The following DNAJC1 variants were observed in gnomAD, a reference collection of about 807,000 sequenced individuals.
The protein encoded by DNAJC1 is DnaJ heat shock protein family (Hsp40) member C1.
A neutral mutation model predicts 76.6 loss-of-function variants in DNAJC1; 58 were observed. The ratio of observed to expected loss-of-function variants is 0.76; its 90% confidence interval spans 0.61 to 0.94. The LOEUF is 0.94. Among genes scored for constraint, DNAJC1 ranks in the 40% least tolerant of loss-of-function variants. DNAJC1 has a pLI of 0.00. For missense variants in DNAJC1, 689 were observed against 677.3 expected, an observed-to-expected ratio of 1.02 and a Z score of -0.19; for synonymous variants, 258 against 267.9, an observed-to-expected ratio of 0.96 and a Z score of 0.36.
intron 8 of DNAJC1, among the ~76,000 whole-genome samples, chr10:21,836,931 T>A (rs1211359872): frequency 2.0e-5 from 3 of 152,040 alleles, no homozygotes; most frequent in African/African-American, 4.8e-5. Context: ...TTCCTCTCCC[T>A]CTCTCTCCAC....
intron 1 of DNAJC1, among the ~76,000 whole-genome samples, chr10:21,976,972 G>C (rs1838076847): frequency 6.6e-6 from 1 of 152,116 alleles, no homozygotes; most frequent in Non-Finnish European, 1.5e-5. Context: ...ATCAAAACAA[G>C]TAGCATCAGT....
intron 1 of DNAJC1, among the ~76,000 whole-genome samples, chr10:21,998,182 G>C: frequency 6.6e-6 from 1 of 152,084 alleles, no homozygotes; most frequent in Middle Eastern, 3.2e-3. Context: ...CCTGAGGTCA[G>C]GAGTGCAAGA....
chr10:21,907,392 T>C (rs1363817361), intron 6 of DNAJC1, among the ~76,000 whole-genome samples: 3 of 151,996 alleles, frequency 2.0e-5, no homozygotes, highest in Non-Finnish European at 2.9e-5. Flanking sequence ...TCCTTAACAA[T>C]CTATGAACTC....
chr10:21,924,081 C>G (rs535881041), intron 3 of DNAJC1, among the ~76,000 whole-genome samples: 1 of 151,956 alleles, frequency 6.6e-6, no homozygotes, highest in East Asian at 1.9e-4. Context: ...ATAAAAACTA[C>G]TTGTACAAAG....
chr10:21,804,002 G>A (rs1212822253), intron 9 of DNAJC1: 4 of 982,978 alleles, frequency 4.1e-6, no homozygotes, highest in Non-Finnish European at 4.8e-6. Flanking sequence ...GGAAAAAAAG[G>A]AGACATATGG....
At chr10:21,802,508 C>T (rs192567113) in intron 9 of DNAJC1, among the ~76,000 whole-genome samples, 3 of 152,174 alleles carry the variant, frequency 2.0e-5, no homozygotes, top group East Asian at 3.9e-4. Flanking sequence ...TTATGATTTT[C>T]CTTCCTCCTC....
chr10:21,964,832 C>A (rs1590070496), intron 1 of DNAJC1, among the ~76,000 whole-genome samples: 2 of 151,678 alleles, frequency 1.3e-5, no homozygotes, highest in Admixed American at 1.3e-4. Flanking sequence ...GGTTATTTTC[C>A]TCAATGCCCT....
intron 1 of DNAJC1, among the ~76,000 whole-genome samples, chr10:21,979,716 T>C (rs565420746): frequency 2.0e-5 from 3 of 151,888 alleles, no homozygotes; most frequent in African/African-American, 7.2e-5. Context: ...ATTTTTCTTT[T>C]TTTTTTTTTC....
At chr10:21,842,015 C>T (rs1168237699) in intron 8 of DNAJC1, among the ~76,000 whole-genome samples, 1 of 145,710 alleles carries the variant, frequency 6.9e-6, no homozygotes, top group African/African-American at 2.6e-5. Flanking sequence ...CCAAACAACG[C>T]ATGTTCTCAC....
At chr10:21,777,612 T>C (rs1834469139) in intron 9 of DNAJC1, among the ~76,000 whole-genome samples, 1 of 152,158 alleles carries the variant, frequency 6.6e-6, no homozygotes, top group Non-Finnish European at 1.5e-5. Context: ...GAAGATATTA[T>C]CAGATCAAGG....
chr10:21,902,327 C>CT (rs916298375), intron 7 of DNAJC1, among the ~76,000 whole-genome samples: 3 of 151,328 alleles, frequency 2.0e-5, no homozygotes, highest in Admixed American at 6.6e-5. Flanking sequence ...TTAAAAGAGA[C>CT]TTTTTTTTTG....
intron 9 of DNAJC1, among the ~76,000 whole-genome samples, chr10:21,775,301 C>A (rs975397611): frequency 1.4e-5 from 2 of 141,204 alleles, no homozygotes; most frequent in Non-Finnish European, 3.0e-5. Context: ...TGTCATAAGA[C>A]AGTTTCATAA....
intron 8 of DNAJC1, among the ~76,000 whole-genome samples, chr10:21,814,596 T>C (rs1479983395): frequency 6.6e-6 from 1 of 152,212 alleles, no homozygotes; most frequent in Non-Finnish European, 1.5e-5. Context: ...GTACAACCTC[T>C]TCTGTAGTCT....
intron 3 of DNAJC1, among the ~76,000 whole-genome samples, chr10:21,924,643 C>G (rs750450913): frequency 5.3e-5 from 8 of 152,154 alleles, no homozygotes; most frequent in African/African-American, 9.7e-5. Flanking sequence ...TTAGAGAAGG[C>G]TGCTAAGCTA....
intron 7 of DNAJC1, among the ~76,000 whole-genome samples, chr10:21,894,746 T>C (rs1836513604): frequency 6.6e-6 from 1 of 152,168 alleles, no homozygotes; most frequent in Non-Finnish European, 1.5e-5. Flanking sequence ...GGTGGAGCCT[T>C]TGGAAAGTGA....
chr10:21,875,651 C>T (rs928961746), intron 8 of DNAJC1, among the ~76,000 whole-genome samples: 5 of 152,122 alleles, frequency 3.3e-5, no homozygotes, highest in Admixed American at 6.5e-5. Flanking sequence ...ATAAGCTAGG[C>T]GTGGTGGCTC....
At chr10:21,906,654 T>G (rs951187868) in intron 6 of DNAJC1, among the ~76,000 whole-genome samples, 5 of 152,228 alleles carry the variant, frequency 3.3e-5, no homozygotes, top group African/African-American at 4.8e-5. Flanking sequence ...GAGGACAGAT[T>G]TGGAGCCAGA....
chr10:21,825,353 G>C (rs1835230533), intron 8 of DNAJC1, among the ~76,000 whole-genome samples: 2 of 152,178 alleles, frequency 1.3e-5, no homozygotes, highest in East Asian at 1.9e-4. Flanking sequence ...TTCATCCCCA[G>C]TGTAGCATCT....
chr10:21,824,960 G>C (rs866327932), intron 8 of DNAJC1, among the ~76,000 whole-genome samples: 121 of 152,104 alleles, frequency 8.0e-4, no homozygotes, highest in African/African-American at 2.8e-3. Context: ...ATTTTTAGTA[G>C]AGACGGGGTT....
Sources: gnomAD v4.1 joint callset for allele counts (sites outside exome capture counted in the v4.1 genomes callset) on GRCh38, gnomAD v4.1.1 for gene constraint, MANE v1.5 for transcripts, NCBI Gene and HGNC (gene_info 2026-07-23, HGNC 2026-07-21) for gene names.